The following DNAJC1 variants were observed in gnomAD, a reference collection of about 807,000 sequenced individuals.
DNAJC1 encodes DnaJ heat shock protein family (Hsp40) member C1, also known as dnaJ homolog subfamily C member 1.
A neutral mutation model predicts 76.6 loss-of-function variants in DNAJC1; 58 were observed. The observed-to-expected ratio is 0.76, with a 90% CI of 0.61 to 0.94. DNAJC1 has a LOEUF of 0.94. Among genes scored for constraint, DNAJC1 ranks in the 40% least tolerant of loss-of-function variants. DNAJC1 has a pLI of 0.00. For missense variants in DNAJC1, 689 were observed against 677.3 expected (o/e 1.02, Z -0.19); for synonymous variants, 258 against 267.9 (o/e 0.96, Z 0.36).
intron 1 of DNAJC1, among the ~76,000 whole-genome samples, chr10:21,970,665 A>G (rs1274004908): frequency 6.6e-6 from 1 of 152,020 alleles, no homozygotes; most frequent in East Asian, 1.9e-4. Flanking sequence ...TTATTTTCAG[A>G]CATGGACCAT....
At chr10:21,962,263 T>C (rs990975420) in intron 1 of DNAJC1, among the ~76,000 whole-genome samples, 5 of 152,102 alleles carry the variant, frequency 3.3e-5, no homozygotes, top group African/African-American at 9.7e-5. Flanking sequence ...GCCAGGCACA[T>C]AGTAAGCAAC....
At chr10:21,813,458 C>T (rs1835023742) in intron 8 of DNAJC1, among the ~76,000 whole-genome samples, 1 of 150,182 alleles carries the variant, frequency 6.7e-6, no homozygotes, top group Non-Finnish European at 1.5e-5. Context: ...TGCAGTAGCG[C>T]AATTTCAGCT....
intron 9 of DNAJC1, among the ~76,000 whole-genome samples, chr10:21,795,501 A>G (rs1423505186): frequency 6.6e-6 from 1 of 152,188 alleles, no homozygotes; most frequent in Admixed American, 6.5e-5. Context: ...TTCCATTTAA[A>G]TGTAATATCC....
intron 1 of DNAJC1, among the ~76,000 whole-genome samples, chr10:21,964,880 A>C (rs1240521700): frequency 6.6e-6 from 1 of 152,094 alleles, no homozygotes; most frequent in Non-Finnish European, 1.5e-5. Flanking sequence ...GCTGCTATGG[A>C]AAAGTCATCA....
chr10:21,842,136 T>G (rs564556315), intron 8 of DNAJC1, among the ~76,000 whole-genome samples: 2 of 148,516 alleles, frequency 1.3e-5, no homozygotes, highest in African/African-American at 4.9e-5. Flanking sequence ...TTAGGAGATA[T>G]ACCTAATGCT....
chr10:21,765,072 G>C (rs1290133716), intron 10 of DNAJC1, among the ~76,000 whole-genome samples: 1 of 152,146 alleles, frequency 6.6e-6, no homozygotes, highest in East Asian at 1.9e-4. Context: ...TATGATTTTG[G>C]AGAATGTCTT....
chr10:21,805,888 A>G (rs1305372349), intron 9 of DNAJC1, 92 bp downstream of exon 9: 4 of 1,535,164 alleles, frequency 2.6e-6, no homozygotes, highest in Non-Finnish European at 3.6e-6. Context: ...CCCCTCCCCA[A>G]AGATACTGTG....
intron 1 of DNAJC1, among the ~76,000 whole-genome samples, chr10:21,996,479 A>G (rs1838417113): frequency 6.6e-6 from 1 of 152,244 alleles, no homozygotes; most frequent in Admixed American, 6.5e-5. Flanking sequence ...ACAAAATATG[A>G]TTGTGAAATT....
intron 1 of DNAJC1, among the ~76,000 whole-genome samples, chr10:22,001,803 T>C (rs1460908903): frequency 1.3e-5 from 2 of 152,238 alleles, no homozygotes; most frequent in African/African-American, 4.8e-5. Context: ...TGATAAATTC[T>C]AATTATTCCC....
At chr10:21,848,700 A>C (rs1004634504) in intron 8 of DNAJC1, among the ~76,000 whole-genome samples, 1 of 152,244 alleles carries the variant, frequency 6.6e-6, no homozygotes, top group Non-Finnish European at 1.5e-5. Context: ...TCCAGTGCAC[A>C]TGGAACATTC....
chr10:21,990,225 C>T (rs1838305616), intron 1 of DNAJC1, among the ~76,000 whole-genome samples: 1 of 151,940 alleles, frequency 6.6e-6, no homozygotes, highest in Non-Finnish European at 1.5e-5. Context: ...TTTGATAAAC[C>T]CTGGGAATTG....
chr10:21,835,171 A>C (rs895762259), intron 8 of DNAJC1, among the ~76,000 whole-genome samples: 4 of 152,152 alleles, frequency 2.6e-5, no homozygotes, highest in African/African-American at 9.7e-5. Flanking sequence ...GGGTTCACCA[A>C]TATCCGCTGT....
At chr10:21,776,585 A>AT (rs1834456210) in intron 9 of DNAJC1, among the ~76,000 whole-genome samples, 1 of 152,060 alleles carries the variant, frequency 6.6e-6, no homozygotes, top group East Asian at 1.9e-4. Context: ...TTGAAAAATT[A>AT]TTTTTTTCTC....
rs1485475808 is a variant in DNAJC1, at chr10:21,770,459, A to G, written c.1099-4150T>C. Among the ~76,000 whole-genome samples, 4 of 138,500 alleles carry G rather than the reference A, an allele frequency of 2.9e-5. No individual in the cohort carries two copies. In the East Asian group the frequency reaches 8.3e-4, roughly 29 times the overall value. 90.9% of individuals were successfully genotyped at this position (138,500 alleles called of 152,430 possible). On this transcript the variant is annotated intron_variant, in intron 9 of 11. Coordinates refer to ENST00000376980, the MANE Select transcript of DNAJC1 (RefSeq NM_022365.4). ...GTCGCCCAGGCTGGAGTGCAGTGGC[A>G]CGATCTCGACTCACTGCAGCCTCCG... is the stretch of plus-strand genomic sequence containing the variant.
chr10:21,783,707 C>T (rs372994599), intron 9 of DNAJC1, among the ~76,000 whole-genome samples: 1 of 152,128 alleles, frequency 6.6e-6, no homozygotes, highest in Admixed American at 6.5e-5. Flanking sequence ...AACAGAGATA[C>T]AGACCAATGG....
At chr10:21,892,880 A>G (rs75889151) in intron 7 of DNAJC1, among the ~76,000 whole-genome samples, 3,418 of 152,300 alleles carry the variant, frequency 0.022, 66 homozygotes, top group Middle Eastern at 0.068. Context: ...GCTGCAAAAC[A>G]TGTGAAACAA....
intron 1 of DNAJC1, among the ~76,000 whole-genome samples, chr10:21,959,047 G>A (rs1328604417): frequency 6.6e-6 from 1 of 152,054 alleles, no homozygotes; most frequent in Non-Finnish European, 1.5e-5. Flanking sequence ...ATGAGGAATT[G>A]GCCTTTCTAG....
intron 8 of DNAJC1, among the ~76,000 whole-genome samples, chr10:21,856,079 T>C (rs1456827676): frequency 2.0e-5 from 3 of 152,154 alleles, no homozygotes; most frequent in Admixed American, 2.0e-4. Context: ...TGAGGGATGG[T>C]TGAATTAGAC....
intron 8 of DNAJC1, among the ~76,000 whole-genome samples, chr10:21,835,830 A>AGTCTACC (rs1835442934): frequency 6.6e-6 from 1 of 152,204 alleles, no homozygotes; most frequent in South Asian, 2.1e-4. Flanking sequence ...ACCATGTGAA[A>AGTCTACC]AGACCAAGTC....
Sources: allele counts gnomAD v4.1 joint callset (sites outside exome capture counted in the v4.1 genomes callset), GRCh38; gene constraint gnomAD v4.1.1; transcripts MANE v1.5; gene names NCBI Gene and HGNC (gene_info 2026-07-23, HGNC 2026-07-21).